The following LDLRAD3 variants were observed in gnomAD, a reference collection of about 807,000 sequenced individuals.
LDLRAD3 encodes low-density lipoprotein receptor class A domain-containing protein 3.
A neutral mutation model predicts 29.4 loss-of-function variants in LDLRAD3; 20 were observed. The ratio of observed to expected loss-of-function variants is 0.68; its 90% confidence interval spans 0.48 to 0.99. The LOEUF is 0.99. Among genes scored for constraint, LDLRAD3 ranks in the 50% least tolerant of loss-of-function variants. LDLRAD3 has a pLI of 0.00. For synonymous variants in LDLRAD3, 157 were observed against 192.7 expected, an observed-to-expected ratio of 0.81 and a Z score of 1.53; for missense variants, 420 against 454.3, an observed-to-expected ratio of 0.92 and a Z score of 0.69.
chr11:36,031,443 C>T (rs1007600695), intron 1 of LDLRAD3, among the ~76,000 whole-genome samples: 1 of 152,080 alleles, frequency 6.6e-6, no homozygotes, highest in Non-Finnish European at 1.5e-5. Flanking sequence ...GGGGATGAGG[C>T]AAGGGGCAGG....
At chr11:35,958,872 C>T (rs1851240301) in intron 1 of LDLRAD3, among the ~76,000 whole-genome samples, 1 of 152,132 alleles carries the variant, frequency 6.6e-6, no homozygotes, top group African/African-American at 2.4e-5. Context: ...CACCCCAGAC[C>T]TTGATTCACG....
At chr11:35,967,210 C>A in intron 1 of LDLRAD3, 1 of 203,340 alleles carries the variant, frequency 4.9e-6, no homozygotes, top group Non-Finnish European at 1.1e-5. Flanking sequence ...TTTCCAAATT[C>A]AGCTGCTGCT....
chr11:35,973,702 C>T (rs944463203), intron 1 of LDLRAD3, among the ~76,000 whole-genome samples: 1 of 152,018 alleles, frequency 6.6e-6, no homozygotes, highest in Non-Finnish European at 1.5e-5. Flanking sequence ...AACTCCTGAC[C>T]TTAGGTGATA....
chr11:36,161,133 CCTT>C (rs1339446846), intron 4 of LDLRAD3, among the ~76,000 whole-genome samples: 2 of 152,186 alleles, frequency 1.3e-5, no homozygotes, highest in African/African-American at 2.4e-5. Context: ...GCCCGTCTCT[CCTT>C]CTGTGCACAG....
chr11:36,229,150 C>T lies in LDLRAD3; in HGVS notation c.801-10C>T. The T allele has an allele frequency of 6.2e-7, 1 of 1,600,546 alleles. No homozygotes were observed. Among genetic ancestry groups the T allele is most frequent in the Non-Finnish European group, 8.6e-7 (1 of 1,167,912 alleles). On this transcript the variant is annotated splice_polypyrimidine_tract_variant and intron_variant, in intron 5 of 5. Transcript: ENST00000315571. The stretch of plus-strand genomic sequence containing the variant: ...CCATTGCCCCTGCCCCCCTGCTGTC[C>T]CCATCACAGGCCTGCGTGGTATGAC...
rs1997117 is a variant in LDLRAD3 at position 36,180,144 on chromosome 11, G to A, written c.455-46941G>A. ...GTTCCAGGGGGTTCCTACCTGCCTC[G>A]GTACACTATCATTTTTCCTCATCCT... On this transcript the variant is annotated intron_variant, in intron 4 of 5. Coordinates refer to ENST00000315571, the MANE Select transcript of LDLRAD3 (RefSeq NM_174902.4). Among the ~76,000 whole-genome samples the A allele has an allele frequency of 6.7e-3, 1,020 of 152,132 alleles. 11 individuals are homozygous for A. The highest frequency in any genetic ancestry group is 0.017 in the African/African-American group (688 of 41,478).
intron 4 of LDLRAD3, 127 bp from the exon 5 acceptor site, chr11:36,226,958 C>A: frequency 2.7e-6 from 2 of 741,232 alleles, no homozygotes; most frequent in Middle Eastern, 3.1e-4. Context: ...GCGGTTTCCA[C>A]TTTTTGGCTA....
At chr11:36,110,461 G>T (rs1174628520) in intron 4 of LDLRAD3, among the ~76,000 whole-genome samples, 2 of 152,128 alleles carry the variant, frequency 1.3e-5, no homozygotes, top group Non-Finnish European at 2.9e-5. Context: ...CAGGGATCAG[G>T]GGTAGGGCTT....
At chr11:36,138,082 G>A (rs1854027995) in intron 4 of LDLRAD3, among the ~76,000 whole-genome samples, 1 of 152,182 alleles carries the variant, frequency 6.6e-6, no homozygotes, top group South Asian at 2.1e-4. Flanking sequence ...TGAAGATCAG[G>A]GAGTTGGGTC....
intron 2 of LDLRAD3, among the ~76,000 whole-genome samples, chr11:36,039,886 T>G (rs936158424): frequency 7.9e-5 from 12 of 152,248 alleles, no homozygotes; most frequent in Non-Finnish European, 2.9e-5. Flanking sequence ...ATACAATGGT[T>G]TCAGCCAGAG....
chr11:36,068,796 G>A (rs1021044469), intron 2 of LDLRAD3, among the ~76,000 whole-genome samples: 2 of 152,146 alleles, frequency 1.3e-5, no homozygotes, highest in Non-Finnish European at 2.9e-5. Flanking sequence ...GATTACAGGC[G>A]TGAGCCACCG....
intron 4 of LDLRAD3, among the ~76,000 whole-genome samples, chr11:36,100,019 C>G (rs1249695233): frequency 1.3e-5 from 2 of 151,972 alleles, no homozygotes; most frequent in Non-Finnish European, 2.9e-5. Flanking sequence ...TCCGAAAATG[C>G]AGTTGTTCAG....
At chr11:36,182,581 C>T (rs1414561630) in intron 4 of LDLRAD3, among the ~76,000 whole-genome samples, 1 of 152,246 alleles carries the variant, frequency 6.6e-6, no homozygotes, top group East Asian at 1.9e-4. Context: ...ATCTTGGCAA[C>T]GTTGGCTGCT....
intron 1 of LDLRAD3, among the ~76,000 whole-genome samples, chr11:36,009,376 T>C (rs1471301808): frequency 6.6e-6 from 1 of 152,216 alleles, no homozygotes; most frequent in Non-Finnish European, 1.5e-5. Context: ...GAACTCCCTT[T>C]GCAGGATCTG....
intron 2 of LDLRAD3, among the ~76,000 whole-genome samples, chr11:36,062,987 G>C (rs544070037): frequency 5.9e-5 from 9 of 152,314 alleles, no homozygotes; most frequent in African/African-American, 1.9e-4. Flanking sequence ...AAAGGGCAAG[G>C]AAACGATTAT....
chr11:36,069,277 A>G (rs1305126670), intron 2 of LDLRAD3, among the ~76,000 whole-genome samples: 1 of 152,204 alleles, frequency 6.6e-6, no homozygotes, highest in African/African-American at 2.4e-5. Flanking sequence ...TTCCTGGAGA[A>G]TCCAGGCAGA....
intron 2 of LDLRAD3, among the ~76,000 whole-genome samples, chr11:36,041,809 T>TA (rs1180011132): frequency 6.6e-6 from 1 of 152,228 alleles, no homozygotes; most frequent in African/African-American, 2.4e-5. Flanking sequence ...TTTGGAAAGT[T>TA]ACACTGATTG....
intron 1 of LDLRAD3, among the ~76,000 whole-genome samples, chr11:36,012,505 T>C (rs1851969064): frequency 6.6e-6 from 1 of 152,192 alleles, no homozygotes; most frequent in Non-Finnish European, 1.5e-5. Context: ...TCTTGTGCTT[T>C]GGGGCCATTA....
At chr11:36,199,343 G>A (rs1855083063) in intron 4 of LDLRAD3, among the ~76,000 whole-genome samples, 2 of 152,222 alleles carry the variant, frequency 1.3e-5, no homozygotes, top group South Asian at 4.1e-4. Context: ...TTCTGAAATT[G>A]TTGAAGGCTC....
Sources: allele counts gnomAD v4.1 joint callset (sites outside exome capture counted in the v4.1 genomes callset), GRCh38; gene constraint gnomAD v4.1.1; transcripts MANE v1.5; gene names NCBI Gene and HGNC (gene_info 2026-07-23, HGNC 2026-07-21).